Variants in TP63 observed in about 807,000 individuals in gnomAD.
TP63 encodes the protein tumor protein 63.
Under a neutral mutation model 82.8 loss-of-function variants are expected in TP63, and 17 were observed. That is an observed-to-expected ratio of 0.21 (90% CI 0.14 to 0.31). TP63 has a LOEUF of 0.31. Ranked by LOEUF, TP63 falls within the 10% of genes least tolerant of loss-of-function variation. The pLI is 1.00. For synonymous variants in TP63, 330 were observed against 321.7 expected (o/e 1.03, Z -0.28); for missense variants, 648 against 895.3 (o/e 0.72, Z 3.52).
At chr3:189,894,066 C>A (rs1327868272) in intron 13 of TP63, 140 bp from the exon 14 acceptor site, 3 of 1,138,772 alleles carry the variant, frequency 2.6e-6, no homozygotes. Flanking sequence ...ACTCAGAGAA[C>A]TAATTTTATT....
In TP63 at chr3:189,896,334, A is replaced by C. The variant is rs1380075747; in HGVS notation, c.*1832A>C. On this transcript the variant is annotated 3_prime_UTR_variant, in exon 14 of 14. Coordinates refer to ENST00000264731, the MANE Select transcript of TP63 (RefSeq NM_003722.5). ...AGTGGGATTTCCAGAACCACACTTGAAACCTTTTTTTATCGTTTTTGTATT... is the reference window on the plus strand; with the variant it reads ...AGTGGGATTTCCAGAACCACACTTGCAACCTTTTTTTATCGTTTTTGTATT... 2 of 210,934 alleles carry C rather than the reference A, an allele frequency of 9.5e-6. No homozygotes were observed. The highest frequency in any genetic ancestry group is 1.9e-5 in the Non-Finnish European group (2 of 103,918). 13.1% of individuals were successfully genotyped at this position (210,934 alleles called of 1,614,324 possible). A position where few individuals can be genotyped will look rare whatever the true frequency, so the allele number is the denominator to read the frequency against.
intron 4 of TP63, among the ~76,000 whole-genome samples, chr3:189,858,629 A>G (rs1474462896): frequency 6.6e-6 from 1 of 152,064 alleles, no homozygotes; most frequent in Non-Finnish European, 1.5e-5. Context: ...ATACACCAAA[A>G]TTAGCTGGGC....
chr3:189,716,687 T>C (rs901644591), intron 1 of TP63, among the ~76,000 whole-genome samples: 1 of 152,194 alleles, frequency 6.6e-6, no homozygotes, highest in African/African-American at 2.4e-5. Context: ...AGTTCCTCAG[T>C]TGCATTCTTT....
At chr3:189,887,255 T>C (rs1042143660) in intron 11 of TP63, among the ~76,000 whole-genome samples, 1 of 151,794 alleles carries the variant, frequency 6.6e-6, no homozygotes, top group African/African-American at 2.4e-5. Context: ...GTCTGGACTC[T>C]ATGAAAAAAA....
chr3:189,873,707 T>C (rs896870205), intron 10 of TP63: 1 of 153,732 alleles, frequency 6.5e-6, no homozygotes, highest in African/African-American at 2.4e-5. Context: ...TAAAGTGATT[T>C]TATGACTGAC....
chr3:189,767,383 A>T (rs1210518092), intron 3 of TP63, among the ~76,000 whole-genome samples: 1 of 152,134 alleles, frequency 6.6e-6, no homozygotes, highest in Non-Finnish European at 1.5e-5. Context: ...GTTTGAATTC[A>T]TTGAAGGGGA....
the TP63 span, among the ~76,000 whole-genome samples, chr3:189,604,366 A>G: frequency 6.6e-6 from 1 of 152,206 alleles, no homozygotes; most frequent in Non-Finnish European, 1.5e-5. Context: ...AAATGGGTAG[A>G]TTTGTAAAAT....
At chr3:189,622,788 G>C in the TP63 span, among the ~76,000 whole-genome samples, 4 of 152,138 alleles carry the variant, frequency 2.6e-5, no homozygotes, top group African/African-American at 9.7e-5. Flanking sequence ...TAAGCCGTCT[G>C]AGTCTTAGCT....
the TP63 span, among the ~76,000 whole-genome samples, chr3:189,622,410 A>G: frequency 9.2e-5 from 14 of 152,188 alleles, no homozygotes; most frequent in African/African-American, 3.4e-4. Flanking sequence ...TCCTGGCTCT[A>G]CCACTATCTG....
the TP63 span, among the ~76,000 whole-genome samples, chr3:189,617,501 A>G: frequency 6.6e-6 from 1 of 152,184 alleles, no homozygotes. Flanking sequence ...AATAGTTACA[A>G]TCAGGCTATT....
intron 4 of TP63, among the ~76,000 whole-genome samples, chr3:189,857,233 A>C (rs878999771): frequency 6.6e-6 from 1 of 152,166 alleles, no homozygotes; most frequent in Admixed American, 6.6e-5. Context: ...CATATGACCA[A>C]TTGATTTTCA....
Position 189,835,915 on chromosome 3 carries a change from AAATAATAATAATAATAAT to A in TP63, c.579+27426_579+27443del, listed in dbSNP as rs71711373. On this transcript the variant is annotated intron_variant, in intron 4 of 13. Coordinates refer to ENST00000264731, the MANE Select transcript of TP63 (RefSeq NM_003722.5). ...GGCCACAGTGCGAGACTCCATCTCA[AAATAATAATAATAATAAT>A]AATAATAATAATAATAATAATAATA... Among the ~76,000 whole-genome samples, 391 of 136,864 alleles carry A rather than the reference AAATAATAATAATAATAAT, an allele frequency of 2.9e-3. 1 individual carries two copies. The highest frequency in any genetic ancestry group is 4.2e-3 in the Non-Finnish European group (275 of 65,056). 89.8% of individuals were successfully genotyped at this position (136,864 alleles called of 152,430 possible).
chr3:189,629,945 C>T (rs1577142706), upstream of TP63, among the ~76,000 whole-genome samples: 4 of 152,254 alleles, frequency 2.6e-5, no homozygotes, highest in South Asian at 8.3e-4. Context: ...TTAAGTTTTA[C>T]ATTTTGTGGA....
chr3:189,842,856 T>G (rs769556527), intron 4 of TP63, among the ~76,000 whole-genome samples: 1 of 152,222 alleles, frequency 6.6e-6, no homozygotes, highest in Non-Finnish European at 1.5e-5. Context: ...ACAGTCACTC[T>G]GACAAATGCC....
chr3:189,640,652 G>A (rs896945807), intron 1 of TP63, among the ~76,000 whole-genome samples: 1 of 152,076 alleles, frequency 6.6e-6, no homozygotes, highest in Non-Finnish European at 1.5e-5. Context: ...TACATAAAAT[G>A]TACATACAAT....
intron 1 of TP63, among the ~76,000 whole-genome samples, chr3:189,661,524 CT>C (rs1713879974): frequency 6.6e-6 from 1 of 151,974 alleles, no homozygotes; most frequent in South Asian, 2.1e-4. Context: ...AGATATTAGC[CT>C]TTAGTTTTCT....
chr3:189,880,184 T>C, intron 10 of TP63: 1 of 1,611,298 alleles, frequency 6.2e-7, no homozygotes. Context: ...CATAGAGCCC[T>C]ATCTCTATAT....
intron 4 of TP63, among the ~76,000 whole-genome samples, chr3:189,853,411 A>G (rs1270464156): frequency 3.3e-5 from 5 of 152,250 alleles, no homozygotes; most frequent in Middle Eastern, 3.4e-3. Flanking sequence ...GGCTTTGCTT[A>G]CTTTTCTGCA....
the TP63 span, among the ~76,000 whole-genome samples, chr3:189,620,499 A>G: frequency 1.7e-5 from 2 of 120,526 alleles, no homozygotes; most frequent in African/African-American, 5.8e-5. Context: ...ACAGAGCAAG[A>G]CTCCATCAAA....
Sources: gnomAD v4.1 joint callset for allele counts (sites outside exome capture counted in the v4.1 genomes callset) on GRCh38, gnomAD v4.1.1 for gene constraint, MANE v1.5 for transcripts, NCBI Gene and HGNC (gene_info 2026-07-23, HGNC 2026-07-21) for gene names.